The following ZNF195 variants were observed in gnomAD, a reference collection of about 807,000 sequenced individuals.
ZNF195 encodes hypoxia-regulated factor-1.
Under a neutral mutation model 19.5 loss-of-function variants are expected in ZNF195, and 11 were observed. The ratio of observed to expected loss-of-function variants is 0.57; its 90% CI spans 0.36 to 0.94. ZNF195 has a LOEUF of 0.94. Among genes scored for constraint, ZNF195 ranks in the 40% least tolerant of loss-of-function variants. ZNF195 has a pLI of 0.01. For missense variants in ZNF195, 582 were observed against 709.0 expected (o/e 0.82, Z 2.03); for synonymous variants, 214 against 248.1 (o/e 0.86, Z 1.29).
At position 3,370,941 on chromosome 11, in the gene ZNF195, AC is replaced by A. The variant is rs768566653; in HGVS notation, c.226+33del. 15 of 1,611,354 alleles carry A rather than the reference AC, an allele frequency of 9.3e-6. No homozygotes were observed. In the South Asian group the frequency reaches 1.6e-4, roughly 18 times the overall value. ...TTCCTCCTCGACCTCTGGACCTCTCACCTGGGTTACCTGCTTCGTTCATTCC... is the reference window on the plus strand; with the variant it reads ...TTCCTCCTCGACCTCTGGACCTCTCACTGGGTTACCTGCTTCGTTCATTCC... On this transcript the variant is annotated intron_variant, in intron 3 of 5. Transcript: ENST00000399602.
chr11:3,373,062 C>T (rs546173648), intron 1 of ZNF195, among the ~76,000 whole-genome samples: 24 of 152,330 alleles, frequency 1.6e-4, no homozygotes, highest in African/African-American at 5.1e-4. Flanking sequence ...TTAAAAGAGT[C>T]TTTCTTTAGC....
rs756066763 is a variant in ZNF195, at chr11:3,359,142, A to G, written c.1866T>C (p.Thr622=). The part of the protein sequence containing the change: ...GKAFTQFSHL[T]VHESIHT ...CTCAAGTATGAATGCTTTCATGTAC[A>G]GTCAGGTGTGAGAACTGGGTGAAGG... Residue 622 remains threonine (T), a synonymous_variant, in exon 6 of 6, where the codon ACT becomes ACC. Coordinates refer to ENST00000399602, the MANE Select transcript of ZNF195 (RefSeq NM_001130520.3). The surrounding 1 kb of genome is among the most constrained non-coding windows in gnomAD (Gnocchi z 5.5). The G allele has an allele frequency of 6.3e-7, 1 of 1,585,914 alleles. No individual in the cohort carries two copies. The highest frequency in any genetic ancestry group is 8.6e-7 in the Non-Finnish European group (1 of 1,168,532).
intron 1 of ZNF195, among the ~76,000 whole-genome samples, chr11:3,375,118 C>T (rs138790684): frequency 3.9e-5 from 6 of 152,134 alleles, no homozygotes; most frequent in East Asian, 1.9e-4. Context: ...TTAACTCTGT[C>T]GGAGGAGAGT....
intron 3 of ZNF195, among the ~76,000 whole-genome samples, chr11:3,366,377 A>C (rs1388988277): frequency 2.0e-5 from 3 of 151,970 alleles, no homozygotes; most frequent in Non-Finnish European, 1.5e-5. Context: ...ACTTTCTGCA[A>C]ATCAAAGAAA....
intron 3 of ZNF195, chr11:3,368,820 A>G (rs1042561854): frequency 8.8e-6 from 4 of 455,550 alleles, no homozygotes; most frequent in Non-Finnish European, 1.8e-5. Context: ...CGAAGAAGAT[A>G]CAATACAGAC....
Position 3,360,564 on chromosome 11 carries a change from A to G in ZNF195, c.444T>C (p.Ala148=). Residue 148 remains alanine, a splice_region_variant and synonymous_variant, in exon 6 of 6, where the codon GCT becomes GCC. Transcript: ENST00000399602. ...GGTCTTGGGTAAAATGAGAAGACAT[A>G]GCTGAAAAAAAAAAAAAAAGTTATC... ...FLEFRCIFSL[A]MSSHFTQDLL... The G allele has an allele frequency of 6.4e-7, 1 of 1,559,072 alleles. No homozygotes were observed. The highest frequency in any genetic ancestry group is 8.6e-7 in the Non-Finnish European group (1 of 1,159,992).
chr11:3,377,606 TA>T (rs1235215924), intron 1 of ZNF195: 2 of 1,207,774 alleles, frequency 1.7e-6, no homozygotes, highest in African/African-American at 1.6e-5. Flanking sequence ...CTTAATGTCC[TA>T]AGTGGTTACC....
chr11:3,369,424 A>C (rs1849069734), intron 3 of ZNF195: 2 of 426,780 alleles, frequency 4.7e-6, no homozygotes, highest in Admixed American at 2.5e-5. Context: ...CATCTTGAAG[A>C]ATTATCTGCT....
At chr11:3,362,713 A>T (rs1848691269) in intron 3 of ZNF195, 2 of 393,548 alleles carry the variant, frequency 5.1e-6, no homozygotes. Context: ...AGTAAAAAAA[A>T]TACAATGGCT....
At chr11:3,378,303 C>A (rs2133752881) in intron 1 of ZNF195, among the ~76,000 whole-genome samples, 1 of 152,154 alleles carries the variant, frequency 6.6e-6, no homozygotes, top group African/African-American at 2.4e-5. Context: ...GAGCGAGACT[C>A]CATCTCAAAA....
intron 3 of ZNF195, chr11:3,368,933 A>C (rs1220471127): frequency 2.2e-6 from 1 of 446,966 alleles, no homozygotes; most frequent in Non-Finnish European, 4.5e-6. Flanking sequence ...ATTAACTTGA[A>C]ATCAAGCCTA....
Position 3,360,558 on chromosome 11 carries a change from A to C in ZNF195, c.450T>G (p.Ser150=), listed in dbSNP as rs1278762719. 1.3e-6 allele frequency: 2 copies of C among 1,568,740 alleles called. No individual in the cohort carries two copies. Among genetic ancestry groups the C allele is most frequent in the South Asian group, 1.2e-5 (1 of 83,272 alleles). ...EFRCIFSLAM[S]SHFTQDLLPE... ...GCAGAAGGTCTTGGGTAAAATGAGA[A>C]GACATAGCTGAAAAAAAAAAAAAAA... Residue 150 remains serine (S), a synonymous_variant, in exon 6 of 6, where the codon TCT becomes TCG. Coordinates refer to ENST00000399602, the MANE Select transcript of ZNF195 (RefSeq NM_001130520.3).
chr11:3,358,934 G>C lies in ZNF195; in HGVS notation c.*184C>G. 2.5e-6 allele frequency: 2 copies of C among 800,048 alleles called. No individual in the cohort carries two copies. The highest frequency in any genetic ancestry group is 4.0e-4 in the Middle Eastern group (1 of 2,484). The allele number at this position is 800,048 out of a possible 1,614,324, so 49.6% of individuals were successfully genotyped here. On this transcript the variant is annotated 3_prime_UTR_variant, in exon 6 of 6. Transcript: ENST00000399602. ...GCAACTGATGCAAGTCTTCCATCTA[G>C]TATAATTGTAACATTTTTTTCAGAA...
chr11:3,363,912 T>C (rs945545628), intron 3 of ZNF195, among the ~76,000 whole-genome samples: 1 of 152,250 alleles, frequency 6.6e-6, no homozygotes, highest in African/African-American at 2.4e-5. Context: ...ATGGGATTTA[T>C]TGAACACTAT....
chr11:3,363,142 T>A (rs1305630343), intron 3 of ZNF195, among the ~76,000 whole-genome samples: 1 of 152,236 alleles, frequency 6.6e-6, no homozygotes, highest in Non-Finnish European at 1.5e-5. Flanking sequence ...TATTTTTTGC[T>A]TCAATTTTGC....
intron 3 of ZNF195, among the ~76,000 whole-genome samples, chr11:3,363,048 G>A (rs1192528809): frequency 3.3e-5 from 5 of 152,174 alleles, no homozygotes; most frequent in Admixed American, 2.6e-4. Context: ...TAACAGAAGG[G>A]AGAATGAACT....
At position 3,360,182 on chromosome 11, in the gene ZNF195, C is replaced by T. The variant is rs948411987; in HGVS notation, c.826G>A (p.Glu276Lys). Residue 276 changes from glutamate (E) to lysine (K), a missense_variant, in exon 6 of 6, where the codon GAA becomes AAA. Coordinates refer to ENST00000399602, the MANE Select transcript of ZNF195 (RefSeq NM_001130520.3). ...CACTGGATAAAGGTTTTGCCACATTCTCCACATTTTTGGAATTTTTTTCCA... is the reference window on the plus strand; with the variant it reads ...CACTGGATAAAGGTTTTGCCACATTTTCCACATTTTTGGAATTTTTTTCCA... ...HTGKKFQKCGECGKTFIQCSH... is the reference protein window; with the variant it reads ...HTGKKFQKCGKCGKTFIQCSH... 7 of 1,613,946 alleles carry T rather than the reference C, an allele frequency of 4.3e-6. No individual in the cohort carries two copies. The East Asian group carries it at 1.3e-4, about 31-fold the overall frequency.
In ZNF195 at chr11:3,358,780, C is replaced by G; in HGVS notation, c.*338G>C. Reference sequence around the variant, plus strand: ...TGAACGTGTCCTTGCTTATTTTTCCCATTTAGTGTATTTGCAAAATATCTT... The same window carrying G: ...TGAACGTGTCCTTGCTTATTTTTCCGATTTAGTGTATTTGCAAAATATCTT... On this transcript the variant is annotated 3_prime_UTR_variant, in exon 6 of 6. Transcript: ENST00000399602. 1 of 15,772 alleles carries G rather than the reference C, an allele frequency of 6.3e-5. No homozygotes were observed. Among genetic ancestry groups the G allele is most frequent in the Non-Finnish European group, 1.0e-4 (1 of 9,750 alleles). 1.0% of individuals were successfully genotyped at this position (15,772 alleles called of 1,614,324 possible).
intron 3 of ZNF195, chr11:3,367,072 A>AG (rs1465146344): frequency 8.8e-6 from 2 of 226,582 alleles, no homozygotes; most frequent in East Asian, 2.8e-4. Context: ...GTAAAAAAAA[A>AG]AAAAAAAGCA....
Sources: gnomAD v4.1 joint callset for allele counts (sites outside exome capture counted in the v4.1 genomes callset) on GRCh38, gnomAD v4.1.1 for gene constraint, Gnocchi (gnomAD v3.1) non-coding constraint, MANE v1.5 for transcripts, NCBI Gene and HGNC (gene_info 2026-07-23, HGNC 2026-07-21) for gene names.